ANKRD28: variants seen among roughly 807,000 people sequenced by gnomAD.
ANKRD28 encodes the protein ankyrin repeat domain 28.
ANKRD28 carries 44 observed loss-of-function variants against 126.5 expected under a neutral mutation model. The ratio of observed to expected loss-of-function variants is 0.35; its 90% CI spans 0.27 to 0.45. The LOEUF (loss-of-function observed/expected upper bound fraction) is 0.45. Ranked by LOEUF, ANKRD28 falls within the 20% of genes least tolerant of loss-of-function variation. The probability of loss-of-function intolerance (pLI) is 1.00; values close to 1 mark genes in which losing one functional copy is unlikely to be tolerated. For synonymous variants in ANKRD28, 442 were observed against 468.5 expected, an observed-to-expected ratio of 0.94 and a Z score of 0.73; for missense variants, 1,110 against 1,316.6, an observed-to-expected ratio of 0.84 and a Z score of 2.43.
At chr3:15,722,746 A>C (rs964346995) in intron 7 of ANKRD28, among the ~76,000 whole-genome samples, 2 of 152,180 alleles carry the variant, frequency 1.3e-5, no homozygotes, top group African/African-American at 4.8e-5. Context: ...ACTTAATTTT[A>C]ATCAAAGTAA....
At chr3:15,678,998 G>A (rs981760791) in intron 23 of ANKRD28, among the ~76,000 whole-genome samples, 2 of 152,014 alleles carry the variant, frequency 1.3e-5, no homozygotes, top group Non-Finnish European at 2.9e-5. Context: ...GGGCCCAGAC[G>A]GGATCTCACT....
At chr3:15,684,109 C>G (rs1181053305) in intron 21 of ANKRD28, 2 of 152,134 alleles carry the variant, frequency 1.3e-5, no homozygotes, top group Admixed American at 6.6e-5. Context: ...TCTACTAAAG[C>G]CTGAAGCTTG....
Position 15,853,966 on chromosome 3 carries a change from C to T in ANKRD28, c.27+5411G>A, listed in dbSNP as rs892358022. ...ACTTTTGCCTAGTACTTAATGTTCT[C>T]GATCTGTACTAAAATATTTTACGTA... On this transcript the variant is annotated intron_variant, in intron 1 of 27. Coordinates refer to the ANKRD28 transcript ENST00000399451. This position sits in a 1 kb window ranked among gnomAD's most constrained non-coding sequence, Gnocchi z 4.2. Among the ~76,000 whole-genome samples the T allele has an allele frequency of 3.9e-5, 6 of 152,128 alleles. No individual in the cohort carries two copies. Among genetic ancestry groups the T allele is most frequent in the South Asian group, 2.1e-4 (1 of 4,828 alleles).
intron 6 of ANKRD28, among the ~76,000 whole-genome samples, chr3:15,729,775 A>G (rs1213864701): frequency 6.6e-6 from 1 of 152,258 alleles, no homozygotes; most frequent in Non-Finnish European, 1.5e-5. Flanking sequence ...TAAATTATCA[A>G]TTAAAGTAGA....
Position 15,677,483 on chromosome 3 carries a change from G to C in ANKRD28, c.2787C>G (p.Ser929Arg). Residue 929 changes from serine (S) to arginine (R), a missense_variant, in exon 25 of 28, where the codon AGC becomes AGG. Transcript: ENST00000683139. ...SKNTALHLAC[S>R]KGHETSALLI... Reference sequence around the variant, plus strand: ...TATTCTTAAGATGTATACATACCTTGCTACAAGCCAAATGGAGGGCAGTAT... The same window carrying C: ...TATTCTTAAGATGTATACATACCTTCCTACAAGCCAAATGGAGGGCAGTAT... 6.2e-7 allele frequency: 1 copy of C among 1,608,558 alleles called. No homozygotes were observed. The highest frequency in any genetic ancestry group is 1.7e-4 in the Middle Eastern group (1 of 6,052).
At position 15,735,591 on chromosome 3, in the gene ANKRD28, GCA is replaced by G. The variant is rs2074963525; in HGVS notation, c.553-96_553-95del. The G allele has an allele frequency of 1.0e-5, 10 of 953,408 alleles. No individual in the cohort carries two copies. In the Admixed American group the frequency reaches 2.3e-4, roughly 22 times the overall value. 59.1% of individuals were successfully genotyped at this position (953,408 alleles called of 1,614,324 possible). ...ACAGTTACTTATCTCAACTTCTCTG[GCA>G]CTAAATTTCTGCAGTTGCTGAACAG... On this transcript the variant is annotated intron_variant, in intron 5 of 27. Coordinates refer to ENST00000683139, the MANE Select transcript of ANKRD28 (RefSeq NM_001349278.2).
intron 6 of ANKRD28, among the ~76,000 whole-genome samples, chr3:15,734,201 G>A (rs555935731): frequency 4.7e-4 from 71 of 152,334 alleles, no homozygotes; most frequent in Middle Eastern, 3.4e-3. Context: ...GTATAAGCAG[G>A]TGGTCCTGGA....
At chr3:15,763,310 T>C (rs1468727058) in intron 3 of ANKRD28, among the ~76,000 whole-genome samples, 1 of 152,202 alleles carries the variant, frequency 6.6e-6, no homozygotes, top group Non-Finnish European at 1.5e-5. Context: ...TCTCCCATTC[T>C]CATTTCCATT....
intron 2 of ANKRD28, among the ~76,000 whole-genome samples, chr3:15,782,674 T>C (rs2125703698): frequency 6.6e-6 from 1 of 152,230 alleles, no homozygotes; most frequent in South Asian, 2.1e-4. Flanking sequence ...TTGTCTGTTC[T>C]GTGTATGCTA....
chr3:15,752,865 G>C (rs1339639063), intron 3 of ANKRD28, among the ~76,000 whole-genome samples: 1 of 152,192 alleles, frequency 6.6e-6, no homozygotes, highest in Non-Finnish European at 1.5e-5. Context: ...TCAATTAGTA[G>C]CTCTGGGTCC....
intron 1 of ANKRD28, among the ~76,000 whole-genome samples, chr3:15,850,190 T>TTAAAAAA (rs1393900361): frequency 1.3e-4 from 4 of 31,964 alleles, no homozygotes; most frequent in Admixed American, 5.3e-4. Context: ...CTACATGCAA[T>TTAAAAAA]AAAAAAAAAA....
rs1013407803 is a variant in ANKRD28 at position 15,783,586 on chromosome 3, T to C, written c.201+11637A>G. On this transcript the variant is annotated intron_variant, in intron 2 of 27. Coordinates refer to ENST00000683139, the MANE Select transcript of ANKRD28 (RefSeq NM_001349278.2). ...CACACATGTTCACAGTACATTTAAT[T>C]GTAACAGATGAAACAGAGAAGCACC... 1.3e-5 allele frequency among the ~76,000 whole-genome samples: 2 copies of C among 152,166 alleles called. 1 individual carries two copies. The highest frequency in any genetic ancestry group is 1.3e-4 in the Admixed American group (2 of 15,254).
At chr3:15,675,381 C>T (rs2066829187) in intron 27 of ANKRD28, among the ~76,000 whole-genome samples, 1 of 152,076 alleles carries the variant, frequency 6.6e-6, no homozygotes, top group Admixed American at 6.6e-5. Context: ...ATGGCAGTAG[C>T]TGGCAGGAGC....
At chr3:15,777,849 T>TACACACACACAC (rs569761948) in intron 2 of ANKRD28, among the ~76,000 whole-genome samples, 2,497 of 106,090 alleles carry the variant, frequency 0.024, 91 homozygotes, top group Middle Eastern at 0.038. Flanking sequence ...AAAACCAAAC[T>TACACACACACAC]ACACACACAC....
At chr3:15,712,804 AAGAAGGCCTAAATTTCTATCT>A (rs2072489987) in intron 10 of ANKRD28, among the ~76,000 whole-genome samples, 1 of 152,256 alleles carries the variant, frequency 6.6e-6, no homozygotes, top group Non-Finnish European at 1.5e-5. Flanking sequence ...ACAGATGTGA[AAGAAGGCCTAAATTTCTATCT>A]AGATGGCTAA....
intron 4 of ANKRD28, among the ~76,000 whole-genome samples, chr3:15,741,697 CTTTTTTTTTTTTTTTTTTTTTTTTTT>C (rs58655271): frequency 0.1 from 3,523 of 33,750 alleles, 296 homozygotes; most frequent in African/African-American, 0.29. Flanking sequence ...TGGTTCTATC[CTTTTTTTTTTTTTTTTTTTTTTTTTT>C]TTTTTTTTTT....
chr3:15,720,611 A>G (rs2073614956), intron 8 of ANKRD28, among the ~76,000 whole-genome samples: 1 of 152,174 alleles, frequency 6.6e-6, no homozygotes, highest in Non-Finnish European at 1.5e-5. Context: ...ATCATCACAT[A>G]ACGTCCCTTC....
intron 3 of ANKRD28, among the ~76,000 whole-genome samples, chr3:15,756,738 C>T (rs1007503166): frequency 2.0e-4 from 31 of 152,088 alleles, no homozygotes; most frequent in Non-Finnish European, 7.4e-5. Context: ...TATGTATGGA[C>T]AGGATTGGGT....
At chr3:15,773,135 T>TAA (rs764725685) in intron 2 of ANKRD28, among the ~76,000 whole-genome samples, 1 of 136,848 alleles carries the variant, frequency 7.3e-6, no homozygotes, top group Non-Finnish European at 1.6e-5. Context: ...CCAAGGAATC[T>TAA]AAAAAAAAAA....
Sources: gnomAD v4.1 joint callset for allele counts (sites outside exome capture counted in the v4.1 genomes callset) on GRCh38, gnomAD v4.1.1 for gene constraint, Gnocchi (gnomAD v3.1) non-coding constraint, MANE v1.5 for transcripts, NCBI Gene and HGNC (gene_info 2026-07-23, HGNC 2026-07-21) for gene names.